DNAAF11: variants seen among roughly 807,000 people sequenced by gnomAD.
DNAAF11 encodes dynein axonemal assembly factor 11, also known as leucine rich repeat containing 6.
DNAAF11 carries 45 observed loss-of-function variants against 60.8 expected under a neutral mutation model. The ratio of observed to expected loss-of-function variants is 0.74; its 90% CI spans 0.58 to 0.95. The LOEUF is 0.95. DNAAF11 is among the 40% of genes least tolerant of loss of function. The pLI is 0.00. For synonymous variants in DNAAF11, 191 were observed against 183.5 expected, an observed-to-expected ratio of 1.04 and a Z score of -0.33; for missense variants, 546 against 546.2, an observed-to-expected ratio of 1.00 and a Z score of 0.00.
intron 10 of DNAAF11, among the ~76,000 whole-genome samples, chr8:132,586,774 C>A (rs1815946286): frequency 6.6e-6 from 1 of 152,078 alleles, no homozygotes; most frequent in South Asian, 2.1e-4. Context: ...TTGACTGAGA[C>A]CTTTGTTGGT....
intron 10 of DNAAF11, 140 bp from the exon 11 acceptor site, chr8:132,583,919 G>GC: frequency 1.6e-6 from 1 of 631,808 alleles, no homozygotes; most frequent in Non-Finnish European, 2.8e-6. Flanking sequence ...CAAACTTGAA[G>GC]CCCCTATATG....
chr8:132,683,647 G>T, the DNAAF11 span, among the ~76,000 whole-genome samples: 1 of 152,198 alleles, frequency 6.6e-6, no homozygotes, highest in Non-Finnish European at 1.5e-5. Flanking sequence ...AGGAGACCAA[G>T]CCTTCAGGTT....
chr8:132,668,738 G>A (rs1226705007), intron 1 of DNAAF11, among the ~76,000 whole-genome samples: 1 of 152,108 alleles, frequency 6.6e-6, no homozygotes, highest in Admixed American at 6.5e-5. Context: ...CACCGCGCCC[G>A]GCCCTGAGCT....
At chr8:132,625,656 A>G (rs1309407891) in intron 5 of DNAAF11, among the ~76,000 whole-genome samples, 1 of 152,194 alleles carries the variant, frequency 6.6e-6, no homozygotes, top group Non-Finnish European at 1.5e-5. Flanking sequence ...GTTAGCACTC[A>G]TTACATTGAA....
the DNAAF11 span, among the ~76,000 whole-genome samples, chr8:132,680,666 A>G: frequency 6.6e-6 from 1 of 151,918 alleles, no homozygotes; most frequent in Non-Finnish European, 1.5e-5. Context: ...CCTTCCTTTC[A>G]TTGTCCTGTT....
intron 10 of DNAAF11, among the ~76,000 whole-genome samples, chr8:132,595,234 AAG>A (rs1816867827): frequency 6.6e-6 from 1 of 152,010 alleles, no homozygotes; most frequent in Non-Finnish European, 1.5e-5. Context: ...CGGTGGGAAC[AAG>A]GTTCCAGAAA....
intron 3 of DNAAF11, among the ~76,000 whole-genome samples, chr8:132,644,103 A>T (rs1822125566): frequency 1.3e-5 from 2 of 152,182 alleles, no homozygotes; most frequent in Admixed American, 6.5e-5. Flanking sequence ...TATTAAATAC[A>T]TATATCAGCA....
rs984258805 is a variant in DNAAF11, at chr8:132,625,523, T to A, written c.654-69A>T. 5 of 1,150,594 alleles carry A rather than the reference T, an allele frequency of 4.3e-6. No individual in the cohort carries two copies. In the African/African-American group the frequency reaches 7.8e-5, roughly 18 times the overall value. 71.3% of individuals were successfully genotyped at this position (1,150,594 alleles called of 1,614,324 possible). A position where few individuals can be genotyped will look rare whatever the true frequency, so the allele number is the denominator to read the frequency against. ...TGAGCTTCATCCTTAATGCTGGCCCTTTAATATCTATACACTTTTCTTATG... is the reference window on the plus strand; with the variant it reads ...TGAGCTTCATCCTTAATGCTGGCCCATTAATATCTATACACTTTTCTTATG... On this transcript the variant is annotated intron_variant, in intron 5 of 11. Coordinates refer to ENST00000620350, the MANE Select transcript of DNAAF11 (RefSeq NM_012472.6).
chr8:132,614,211 C>A (rs1818931234), intron 8 of DNAAF11, among the ~76,000 whole-genome samples: 1 of 152,124 alleles, frequency 6.6e-6, no homozygotes, highest in African/African-American at 2.4e-5. Flanking sequence ...GGCAGAGAGG[C>A]CCCTCTAATG....
intron 2 of DNAAF11, 150 bp from the exon 3 acceptor site, chr8:132,657,057 C>G (rs897095644): frequency 1.5e-5 from 7 of 456,140 alleles, no homozygotes; most frequent in African/African-American, 1.5e-4. Context: ...ACCTGTACAT[C>G]AGACACGGTG....
chr8:132,574,479 A>G (rs1018341371), intron 11 of DNAAF11, among the ~76,000 whole-genome samples: 1 of 152,198 alleles, frequency 6.6e-6, no homozygotes, highest in Non-Finnish European at 1.5e-5. Flanking sequence ...TGAATCTCTA[A>G]TGAGCTTCCC....
chr8:132,571,830 C>T lies in DNAAF11; in HGVS notation c.*476G>A, dbSNP rs1461958521. On this transcript the variant is annotated 3_prime_UTR_variant, in exon 12 of 12. Coordinates refer to ENST00000620350, the MANE Select transcript of DNAAF11 (RefSeq NM_012472.6). Reference sequence around the variant, plus strand: ...CTGGTTTCAAAACTCATATTCTTGCCATTATACCATGCCACCAGAGAAAGC... The same window carrying T: ...CTGGTTTCAAAACTCATATTCTTGCTATTATACCATGCCACCAGAGAAAGC... The T allele has an allele frequency of 3.3e-5, 5 of 152,308 alleles. No individual in the cohort carries two copies. The highest frequency in any genetic ancestry group is 9.7e-5 in the African/African-American group (4 of 41,404). 9.4% of individuals were successfully genotyped at this position (152,308 alleles called of 1,614,324 possible). A position where few individuals can be genotyped will look rare whatever the true frequency, so the allele number is the denominator to read the frequency against.
intron 1 of DNAAF11, among the ~76,000 whole-genome samples, chr8:132,665,474 C>T (rs969838909): frequency 5.3e-5 from 8 of 151,758 alleles, no homozygotes; most frequent in African/African-American, 1.9e-4. Flanking sequence ...CACAAAAGTG[C>T]CCAGCAAACT....
intron 3 of DNAAF11, among the ~76,000 whole-genome samples, chr8:132,653,964 A>C (rs1412688548): frequency 6.6e-6 from 1 of 152,116 alleles, no homozygotes; most frequent in Non-Finnish European, 1.5e-5. Context: ...AAAGGCAGAG[A>C]TTGACAGGAT....
chr8:132,581,801 TA>T (rs1436373803), intron 11 of DNAAF11, among the ~76,000 whole-genome samples: 1 of 152,192 alleles, frequency 6.6e-6, no homozygotes, highest in Non-Finnish European at 1.5e-5. Flanking sequence ...TAATAGCACT[TA>T]TCTGCAGTGT....
chr8:132,676,921 C>T (rs1825780742), upstream of DNAAF11, among the ~76,000 whole-genome samples: 1 of 152,160 alleles, frequency 6.6e-6, no homozygotes, highest in Non-Finnish European at 1.5e-5. Context: ...ACTTACCTGA[C>T]ATCCACTATT....
chr8:132,652,447 G>A (rs1823111027), intron 3 of DNAAF11, among the ~76,000 whole-genome samples: 1 of 152,134 alleles, frequency 6.6e-6, no homozygotes, highest in Non-Finnish European at 1.5e-5. Flanking sequence ...GAAAAAAATT[G>A]ACAGCAAAAA....
At position 132,577,605 on chromosome 8, in the gene DNAAF11, C is replaced by A. The variant is rs540906434; in HGVS notation, c.1227-5125G>T. Among the ~76,000 whole-genome samples, 33 of 152,296 alleles carry A rather than the reference C, an allele frequency of 2.2e-4. No individual in the cohort carries two copies. The South Asian group carries it at 6.8e-3, about 32-fold the overall frequency. Reference sequence around the variant, plus strand: ...CATTTAGTATAGTTACTCAGTTGTACAAATAATTAATAATGATGTTAATAA... The same window carrying A: ...CATTTAGTATAGTTACTCAGTTGTAAAAATAATTAATAATGATGTTAATAA... On this transcript the variant is annotated intron_variant, in intron 11 of 11. Coordinates refer to ENST00000620350, the MANE Select transcript of DNAAF11 (RefSeq NM_012472.6).
intron 1 of DNAAF11, among the ~76,000 whole-genome samples, chr8:132,673,694 T>A (rs1586758880): frequency 6.6e-6 from 1 of 151,952 alleles, no homozygotes; most frequent in South Asian, 2.1e-4. Context: ...CTGTTTCCTT[T>A]CCAGACAGCA....
Sources: gnomAD v4.1 joint callset for allele counts (sites outside exome capture counted in the v4.1 genomes callset) on GRCh38, gnomAD v4.1.1 for gene constraint, MANE v1.5 for transcripts, NCBI Gene and HGNC (gene_info 2026-07-23, HGNC 2026-07-21) for gene names.